The following IL13RA1 variants were observed in gnomAD, a reference collection of about 807,000 sequenced individuals.
IL13RA1 encodes the protein interleukin 13 receptor subunit alpha 1.
In IL13RA1, 14 loss-of-function variants were observed where a neutral mutation model predicts 33.8. The observed-to-expected ratio is 0.41, with a 90% CI of 0.27 to 0.65. The LOEUF (loss-of-function observed/expected upper bound fraction) is 0.65, where lower values mean the gene tolerates loss of function less well. IL13RA1 is among the 30% of genes least tolerant of loss of function. The probability of loss-of-function intolerance (pLI) is 0.28; values close to 1 mark genes in which losing one functional copy is unlikely to be tolerated. For missense variants in IL13RA1, 313 were observed against 327.0 expected (o/e 0.96, Z 0.33); for synonymous variants, 116 against 115.7 (o/e 1.00, Z -0.02).
At chrX:118,763,516 C>T (rs1214605013) in intron 6 of IL13RA1, among the ~76,000 whole-genome samples, 1 of 112,576 alleles carries the variant, frequency 8.9e-6, no homozygotes, top group Non-Finnish European at 1.9e-5. Context: ...CACCTCAATA[C>T]TTCCTCTTAA....
At chrX:118,738,781 C>CTTTT (rs144796443) in intron 1 of IL13RA1, among the ~76,000 whole-genome samples, 24 of 60,222 alleles carry the variant, frequency 4.0e-4, no homozygotes, top group African/African-American at 5.4e-4. Flanking sequence ...ATTTTAAGTC[C>CTTTT]TTTTTTTTTT....
At chrX:118,776,573 G>A (rs2017786570) in intron 10 of IL13RA1, 62 bp downstream of exon 10, 2 of 407,643 alleles carry the variant, frequency 4.9e-6, no homozygotes, top group Non-Finnish European at 8.2e-6. Flanking sequence ...GGAAGCTATG[G>A]CATTTTTTAA....
chrX:118,770,190 C>T (rs2017697910), intron 8 of IL13RA1: 2 of 277,027 alleles, frequency 7.2e-6, no homozygotes, highest in Non-Finnish European at 1.4e-5. Flanking sequence ...CGCAGCTGAG[C>T]GGGCTGCCCA....
At chrX:118,754,205 T>C (rs2017500808) in intron 4 of IL13RA1, among the ~76,000 whole-genome samples, 1 of 111,561 alleles carries the variant, frequency 9.0e-6, no homozygotes, top group Non-Finnish European at 1.9e-5. Flanking sequence ...GTCCCTTCTC[T>C]CTCAGCCTTA....
chrX:118,754,288 T>C (rs992587731), intron 4 of IL13RA1, among the ~76,000 whole-genome samples: 1 of 111,591 alleles, frequency 9.0e-6, no homozygotes, highest in Non-Finnish European at 1.9e-5. Flanking sequence ...GGCTAGTGTT[T>C]AGAGCCATGA....
intron 3 of IL13RA1, among the ~76,000 whole-genome samples, chrX:118,748,005 T>TTGTG (rs61230421): frequency 0.17 from 14,746 of 88,625 alleles, 2,205 homozygotes; most frequent in African/African-American, 0.45. Context: ...AGAGTGAATG[T>TTGTG]TGTGTGTGTG....
the IL13RA1 span, among the ~76,000 whole-genome samples, chrX:118,800,231 A>G: frequency 9.0e-6 from 1 of 111,198 alleles, no homozygotes; most frequent in Non-Finnish European, 1.9e-5. Flanking sequence ...GGGCCAGATA[A>G]GAGAATAAAA....
Position 118,763,023 on chromosome X carries a change from G to A in IL13RA1, c.828+1734G>A, listed in dbSNP as rs139993496. On this transcript the variant is annotated intron_variant, in intron 6 of 10. Transcript: ENST00000371666. ...GTGAACAACACATACTGGGGCCTGT[G>A]GGGGCTGTGGTGGGAGGAGGGAGAG... 3.3e-3 allele frequency among the ~76,000 whole-genome samples: 364 copies of A among 111,357 alleles called. 4 individuals carry two copies. The highest frequency in any genetic ancestry group is 0.011 in the African/African-American group (339 of 30,611).
At chrX:118,789,792 AT>A (rs762136257) in intron 10 of IL13RA1, among the ~76,000 whole-genome samples, 1 of 110,007 alleles carries the variant, frequency 9.1e-6, no homozygotes, top group African/African-American at 3.3e-5. Context: ...TACTTATTTG[AT>A]TTTTTTTAAC....
At chrX:118,732,845 A>C (rs1363715326) in intron 1 of IL13RA1, among the ~76,000 whole-genome samples, 1 of 111,658 alleles carries the variant, frequency 9.0e-6, no homozygotes, top group African/African-American at 3.3e-5. Context: ...TGCTATTGTG[A>C]GTAGTGCTGC....
chrX:118,772,298 A>G (rs972193081), intron 8 of IL13RA1, among the ~76,000 whole-genome samples: 6 of 112,829 alleles, frequency 5.3e-5, no homozygotes, highest in African/African-American at 1.9e-4. Flanking sequence ...CGTACTTACA[A>G]AGGGCTTCAT....
At chrX:118,791,000 A>G (rs1454474510) in intron 10 of IL13RA1, among the ~76,000 whole-genome samples, 1 of 112,187 alleles carries the variant, frequency 8.9e-6, no homozygotes, top group Non-Finnish European at 1.9e-5. Flanking sequence ...GGTGAAGGCA[A>G]TATGAAACAA....
chrX:118,782,948 C>G (rs1235407039), intron 10 of IL13RA1, among the ~76,000 whole-genome samples: 1 of 110,763 alleles, frequency 9.0e-6, no homozygotes, highest in African/African-American at 3.3e-5. Context: ...GTGTGGAGAT[C>G]TACAATTCAT....
intron 1 of IL13RA1, among the ~76,000 whole-genome samples, chrX:118,729,399 TAG>T (rs1177658401): frequency 1.8e-5 from 2 of 112,217 alleles, no homozygotes; most frequent in African/African-American, 6.5e-5. Flanking sequence ...GGGAAAAAAT[TAG>T]ATGTTTCCAG....
intron 8 of IL13RA1, chrX:118,769,961 AC>A (rs2017693659): frequency 1.0e-5 from 2 of 198,175 alleles, no homozygotes; most frequent in South Asian, 1.4e-4. Context: ...TTACTCCTCC[AC>A]CAGCATCAAG....
intron 2 of IL13RA1, 32 bp from the exon 3 acceptor site, chrX:118,746,921 GA>G: frequency 9.0e-7 from 1 of 1,113,701 alleles, no homozygotes; most frequent in Non-Finnish European, 1.2e-6. Context: ...TGTGTTAGCT[GA>G]AGCAATGCCT....
chrX:118,803,747 A>C, the IL13RA1 span, among the ~76,000 whole-genome samples: 1 of 111,033 alleles, frequency 9.0e-6, no homozygotes, highest in African/African-American at 3.3e-5. Flanking sequence ...TTTAGGAATG[A>C]ATACAGCCCT....
At chrX:118,742,753 C>T (rs1381025242) in intron 2 of IL13RA1, among the ~76,000 whole-genome samples, 3 of 110,129 alleles carry the variant, frequency 2.7e-5, no homozygotes, top group Admixed American at 9.7e-5. Context: ...GTTGTTTTGG[C>T]GGGGGGCGGG....
At position 118,749,695 on chromosome X, in the gene IL13RA1, T is replaced by A; in HGVS notation, c.405T>A (p.Ile135=). The A allele has an allele frequency of 8.3e-7, 1 of 1,199,479 alleles. No individual in the cohort carries two copies. The highest frequency in any genetic ancestry group is 1.1e-6 in the Non-Finnish European group (1 of 884,370). ...PESAVTELQC[I]WHNLSYMKCS... ...CTGCTGTGACTGAGCTTCAATGCAT[T>A]TGGCACAACCTGAGCTACATGAAGT... Residue 135 remains isoleucine (I), a synonymous_variant, in exon 4 of 11, where the codon ATT becomes ATA. Transcript: ENST00000371666.
Sources: gnomAD v4.1 joint callset for allele counts (sites outside exome capture counted in the v4.1 genomes callset) on GRCh38, gnomAD v4.1.1 for gene constraint, MANE v1.5 for transcripts, NCBI Gene and HGNC (gene_info 2026-07-23, HGNC 2026-07-21) for gene names.